Variants in SPAG7 observed in about 807,000 individuals in gnomAD.
SPAG7 encodes the protein sperm-associated antigen 7.
In SPAG7, 20 loss-of-function variants were observed where a neutral mutation model predicts 30.6. The observed-to-expected ratio is 0.65, with a 90% CI of 0.46 to 0.95. SPAG7 has a LOEUF of 0.95. SPAG7 is among the 40% of genes least tolerant of loss of function. SPAG7 has a pLI of 0.00. For synonymous variants in SPAG7, 127 were observed against 104.2 expected (o/e 1.22, Z -1.33); for missense variants, 276 against 291.1 (o/e 0.95, Z 0.38).
chr17:4,967,815 AC>A lies in SPAG7; in HGVS notation c.-12del. Reference sequence around the variant, plus strand: ...CAGTAGGTCCGCCATCTTGGGAGTGACTGAGAGGGGGCGGTGCGTCTTAAAG... The same window carrying A: ...CAGTAGGTCCGCCATCTTGGGAGTGATGAGAGGGGGCGGTGCGTCTTAAAG... On this transcript the variant is annotated 5_prime_UTR_variant, in exon 1 of 7. Transcript: ENST00000206020. 3 of 1,603,010 alleles carry A rather than the reference AC, an allele frequency of 1.9e-6. No individual in the cohort carries two copies. The highest frequency in any genetic ancestry group is 1.7e-6 in the Non-Finnish European group (2 of 1,170,174).
rs185537599 is a variant in SPAG7, at chr17:4,961,921, G to T, written c.86-1068C>A. Among the ~76,000 whole-genome samples, 43 of 152,146 alleles carry T rather than the reference G, an allele frequency of 2.8e-4. No individual in the cohort carries two copies. In the East Asian group the frequency reaches 7.9e-3, roughly 28 times the overall value. Reference sequence around the variant, plus strand: ...CTGGACTGCAGGTAACTAAAACCTTGGAAAGCAAAACCTTGGATAAGGGAG... The same window carrying T: ...CTGGACTGCAGGTAACTAAAACCTTTGAAAGCAAAACCTTGGATAAGGGAG... On this transcript the variant is annotated intron_variant, in intron 1 of 6. Coordinates refer to ENST00000206020, the MANE Select transcript of SPAG7 (RefSeq NM_004890.3).
chr17:4,966,817 C>T, intron 1 of SPAG7: 1 of 985,500 alleles, frequency 1.0e-6, no homozygotes, highest in Non-Finnish European at 1.2e-6. Flanking sequence ...GCGTAGGCAA[C>T]CAGCGGCCCT....
chr17:4,967,221 C>A (rs1971973711), intron 1 of SPAG7: 1 of 992,004 alleles, frequency 1.0e-6, no homozygotes, highest in Non-Finnish European at 1.2e-6. Context: ...GCAGGAGGGG[C>A]AAGAACACAC....
chr17:4,966,468 C>T (rs773153840), intron 1 of SPAG7: 59 of 550,658 alleles, frequency 1.1e-4, no homozygotes, highest in Non-Finnish European at 1.3e-4. Context: ...GCCGGGTGAT[C>T]CCCCACTTAG....
chr17:4,959,645 T>C lies in SPAG7; in HGVS notation c.575-2A>G. 6.2e-7 allele frequency: 1 copy of C among 1,613,878 alleles called. No individual in the cohort carries two copies. Among genetic ancestry groups the C allele is most frequent in the Non-Finnish European group, 8.5e-7 (1 of 1,179,840 alleles). The stretch of plus-strand genomic sequence containing the variant: ...TGTCCCTCTTATTGGCCACGGGCAC[T>C]AGGGGCAGAGAGGAGGGTAGGGCGG... On this transcript the variant is annotated splice_acceptor_variant, in intron 6 of 6. Coordinates refer to ENST00000206020, the MANE Select transcript of SPAG7 (RefSeq NM_004890.3). LOFTEE classifies it high-confidence loss of function.
rs750952236 is a variant in SPAG7 at position 4,960,551 on chromosome 17, G to C, written c.154-4C>G. 5.6e-6 allele frequency: 9 copies of C among 1,601,112 alleles called. No individual in the cohort carries two copies. Among genetic ancestry groups the C allele is most frequent in the Admixed American group, 1.7e-5 (1 of 57,282 alleles). ...AATCTGACACCTCCTTCTCCATCTT[G>C]GGAGAGGGGAAAGGAAGCAGATATG... On this transcript the variant is annotated splice_polypyrimidine_tract_variant and splice_region_variant and intron_variant, in intron 2 of 6. Transcript: ENST00000206020.
Position 4,959,403 on chromosome 17 carries a change from C to T in SPAG7, c.*131G>A, listed in dbSNP as rs1328250110. On this transcript the variant is annotated 3_prime_UTR_variant, in exon 7 of 7. Coordinates refer to ENST00000206020, the MANE Select transcript of SPAG7 (RefSeq NM_004890.3). ...GGTGACAAATCAAACACCTGTTTTC[C>T]CCCAGCCTGAGGGACAGCTGGTAGG... 29 of 703,796 alleles carry T rather than the reference C, an allele frequency of 4.1e-5. No individual in the cohort carries two copies. In the South Asian group the frequency reaches 4.8e-4, roughly 12 times the overall value. 43.6% of individuals were successfully genotyped at this position (703,796 alleles called of 1,614,324 possible). A position where few individuals can be genotyped will look rare whatever the true frequency, so the allele number is the denominator to read the frequency against.
At chr17:4,959,964 C>A (rs1157041165) in intron 5 of SPAG7, 48 bp from the exon 6 acceptor site, 2 of 1,613,046 alleles carry the variant, frequency 1.2e-6, no homozygotes, top group Non-Finnish European at 1.7e-6. Flanking sequence ...CAGCCCAAAC[C>A]CCCACCCCTC....
At chr17:4,959,943 G>A in intron 5 of SPAG7, 27 bp from the exon 6 acceptor site, 5 of 1,612,746 alleles carry the variant, frequency 3.1e-6, no homozygotes, top group East Asian at 4.5e-5. Context: ...GGGCACTGGT[G>A]CTCAGGGCCC....
intron 3 of SPAG7, 26 bp downstream of exon 3, chr17:4,960,433 T>C: frequency 1.9e-6 from 3 of 1,605,328 alleles, no homozygotes; most frequent in Non-Finnish European, 2.6e-6. Flanking sequence ...CCCATTTCCT[T>C]CCTCCCCCAG....
intron 1 of SPAG7, chr17:4,966,709 T>G (rs1971959170): frequency 2.0e-6 from 2 of 985,352 alleles, no homozygotes; most frequent in African/African-American, 3.5e-5. Context: ...TAAACTTACG[T>G]GTGATCACTG....
rs397837870 is a variant in SPAG7 at position 4,959,351 on chromosome 17, A to ACG, written c.*182_*183insCG. On this transcript the variant is annotated 3_prime_UTR_variant, in exon 7 of 7. Coordinates refer to ENST00000206020, the MANE Select transcript of SPAG7 (RefSeq NM_004890.3). ...TTCACACTCTCACACACACACACAC[A>ACG]TGCCACGCACATATCCAAGCTCCAA... The ACG allele has an allele frequency of 5.5e-6, 3 of 543,750 alleles. No individual in the cohort carries two copies. The highest frequency in any genetic ancestry group is 1.9e-5 in the African/African-American group (1 of 51,818). 33.7% of individuals were successfully genotyped at this position (543,750 alleles called of 1,614,324 possible). A position where few individuals can be genotyped will look rare whatever the true frequency, so the allele number is the denominator to read the frequency against.
At chr17:4,961,223 G>A (rs11655967) in intron 1 of SPAG7, among the ~76,000 whole-genome samples, 8,011 of 150,796 alleles carry the variant, frequency 0.053, 330 homozygotes, top group East Asian at 0.2. Flanking sequence ...TTGGGAGGCC[G>A]AGGCAGACAG....
chr17:4,962,363 C>G (rs951752360), intron 1 of SPAG7, among the ~76,000 whole-genome samples: 2 of 152,174 alleles, frequency 1.3e-5, no homozygotes, highest in South Asian at 4.1e-4. Flanking sequence ...ATCCCCCCGC[C>G]TCACCTTCCC....
rs780734126 is a variant in SPAG7 at position 4,960,113 on chromosome 17, TGAA to T, written c.328-5_328-3del. On this transcript the variant is annotated splice_polypyrimidine_tract_variant and splice_region_variant and intron_variant, in intron 4 of 6. Transcript: ENST00000206020. ...CTCTTCATCTGAGGGTGCAAACTCC[TGAA>T]GAAGAGCAGAATGATGGGGTCAGAG... The T allele has an allele frequency of 6.2e-7, 1 of 1,612,424 alleles. No individual in the cohort carries two copies. Among genetic ancestry groups the T allele is most frequent in the South Asian group, 1.1e-5 (1 of 91,060 alleles).
chr17:4,960,943 G>A (rs1359355124), intron 1 of SPAG7, 90 bp from the exon 2 acceptor site: 3 of 1,131,576 alleles, frequency 2.7e-6, no homozygotes, highest in South Asian at 1.2e-5. Context: ...GGTGTCCACT[G>A]GGAGGTGTCA....
rs765538821 is a variant in SPAG7, at chr17:4,959,254, A to C, written c.*280T>G. On this transcript the variant is annotated 3_prime_UTR_variant, in exon 7 of 7. Coordinates refer to ENST00000206020, the MANE Select transcript of SPAG7 (RefSeq NM_004890.3). ...GGTTAAACAGTATTTATTGAATGTA[A>C]AGTACCCCAGCCCCATGGGGAAGAA... The C allele has an allele frequency of 8.2e-5, 43 of 522,740 alleles. No individual in the cohort carries two copies. The highest frequency in any genetic ancestry group is 2.4e-4 in the Admixed American group (7 of 29,402). The allele number at this position is 522,740 out of a possible 1,614,324, so 32.4% of individuals were successfully genotyped here. A position where few individuals can be genotyped will look rare whatever the true frequency, so the allele number is the denominator to read the frequency against.
chr17:4,963,283 G>A (rs1200778646), intron 1 of SPAG7, among the ~76,000 whole-genome samples: 2 of 151,912 alleles, frequency 1.3e-5, no homozygotes, highest in Non-Finnish European at 2.9e-5. Flanking sequence ...AGCTACTCGG[G>A]AGGCTGAGGT....
intron 1 of SPAG7, among the ~76,000 whole-genome samples, chr17:4,961,089 T>G (rs1971854290): frequency 6.6e-6 from 1 of 152,216 alleles, no homozygotes; most frequent in South Asian, 2.1e-4. Flanking sequence ...TACTGACCCC[T>G]ATACATACTA....
Sources: gnomAD v4.1 joint callset for allele counts (sites outside exome capture counted in the v4.1 genomes callset) on GRCh38, gnomAD v4.1.1 for gene constraint, MANE v1.5 for transcripts, NCBI Gene and HGNC (gene_info 2026-07-23, HGNC 2026-07-21) for gene names.